FSTL4: variants seen among roughly 807,000 people sequenced by gnomAD.
The protein encoded by FSTL4 is follistatin-related protein 4.
Under a neutral mutation model 78.2 loss-of-function variants are expected in FSTL4, and 28 were observed. The ratio of observed to expected loss-of-function variants is 0.36; its 90% confidence interval spans 0.27 to 0.49. The LOEUF (loss-of-function observed/expected upper bound fraction) is 0.49, where lower values mean the gene tolerates loss of function less well. Ranked by LOEUF, FSTL4 falls within the 20% of genes least tolerant of loss-of-function variation. The pLI, the probability that FSTL4 is intolerant of heterozygous loss-of-function variation, is 0.98. For synonymous variants in FSTL4, 422 were observed against 440.5 expected (o/e 0.96, Z 0.53); for missense variants, 922 against 1,084.9 (o/e 0.85, Z 2.11).
At chr5:133,287,334 G>GC (rs1313576046) in intron 6 of FSTL4, among the ~76,000 whole-genome samples, 1 of 150,990 alleles carries the variant, frequency 6.6e-6, no homozygotes, top group Non-Finnish European at 1.5e-5. Context: ...CTTGCAGTGA[G>GC]CTGAGATCGC....
chr5:133,656,948 C>A, the FSTL4 span, among the ~76,000 whole-genome samples: 1 of 152,002 alleles, frequency 6.6e-6, no homozygotes, highest in Non-Finnish European at 1.5e-5. Flanking sequence ...TTTAAGTTTA[C>A]TGTTGGTAAG....
At chr5:133,605,622 G>C (rs536402800) in intron 1 of FSTL4, among the ~76,000 whole-genome samples, 5 of 152,198 alleles carry the variant, frequency 3.3e-5, no homozygotes, top group Non-Finnish European at 7.3e-5. Context: ...GCTGGAGACA[G>C]AAATGCCCAC....
chr5:133,663,823 T>C, the FSTL4 span, among the ~76,000 whole-genome samples: 1 of 152,164 alleles, frequency 6.6e-6, no homozygotes, highest in African/African-American at 2.4e-5. Flanking sequence ...GACCAGGGCC[T>C]TTGACAACTT....
At chr5:133,805,921 C>T in the FSTL4 span, among the ~76,000 whole-genome samples, 43 of 152,230 alleles carry the variant, frequency 2.8e-4, no homozygotes, top group Non-Finnish European at 8.8e-5. Context: ...GTTAACACCA[C>T]AGTCAGGCTG....
intron 3 of FSTL4, among the ~76,000 whole-genome samples, chr5:133,561,275 T>A (rs1759907844): frequency 1.3e-5 from 2 of 151,972 alleles, no homozygotes; most frequent in Non-Finnish European, 2.9e-5. Flanking sequence ...TAGTAAAAAT[T>A]ACCCATGCAC....
In FSTL4 at chr5:133,249,397, C is replaced by T; in HGVS notation, c.894+13G>A. 6.2e-7 allele frequency: 1 copy of T among 1,610,882 alleles called. No individual in the cohort carries two copies. The highest frequency in any genetic ancestry group is 8.5e-7 in the Non-Finnish European group (1 of 1,177,042). On this transcript the variant is annotated intron_variant, in intron 7 of 15. Coordinates refer to ENST00000265342, the MANE Select transcript of FSTL4 (RefSeq NM_015082.2). ...GGTGCGCTTGAGCTCAGAGTGAATT[C>T]CAGGTGACTTACATTGATGTCTTCC...
At chr5:133,696,403 C>T in the FSTL4 span, among the ~76,000 whole-genome samples, 2 of 152,222 alleles carry the variant, frequency 1.3e-5, 1 homozygote, top group African/African-American at 4.8e-5. Flanking sequence ...TGGGGCCCAT[C>T]CCAGGCCTGT....
At chr5:133,422,844 A>G (rs1756729625) in intron 3 of FSTL4, among the ~76,000 whole-genome samples, 2 of 152,246 alleles carry the variant, frequency 1.3e-5, no homozygotes, top group South Asian at 4.1e-4. Context: ...ATATGTGTTT[A>G]ATTGGGTCAT....
At chr5:133,481,981 G>A (rs1345650766) in intron 3 of FSTL4, among the ~76,000 whole-genome samples, 2 of 152,328 alleles carry the variant, frequency 1.3e-5, no homozygotes, top group Non-Finnish European at 2.9e-5. Context: ...GAGGGAAGGA[G>A]CAAAGGAAGC....
At chr5:133,215,056 G>A (rs917678139) in intron 13 of FSTL4, among the ~76,000 whole-genome samples, 1 of 152,062 alleles carries the variant, frequency 6.6e-6, no homozygotes, top group African/African-American at 2.4e-5. Context: ...ATCTGTTCCT[G>A]CCAAGGTGAT....
chr5:133,797,972 C>G, the FSTL4 span, among the ~76,000 whole-genome samples: 7 of 152,076 alleles, frequency 4.6e-5, no homozygotes, highest in African/African-American at 1.5e-4. Flanking sequence ...CTTCTCCCCA[C>G]CCCCACAAAC....
chr5:133,214,498 C>T (rs1750845944), intron 13 of FSTL4, among the ~76,000 whole-genome samples: 1 of 152,154 alleles, frequency 6.6e-6, no homozygotes, highest in South Asian at 2.1e-4. Flanking sequence ...TAAATTTATA[C>T]CCACAATTCT....
chr5:133,204,462 T>C (rs894308098), intron 14 of FSTL4, among the ~76,000 whole-genome samples: 1 of 152,200 alleles, frequency 6.6e-6, no homozygotes, highest in African/African-American at 2.4e-5. Context: ...AATAATGTCA[T>C]AGCTCAATTT....
the FSTL4 span, among the ~76,000 whole-genome samples, chr5:133,618,890 T>C: frequency 1.3e-5 from 2 of 152,244 alleles, no homozygotes; most frequent in South Asian, 2.1e-4. Context: ...AATCTATTGG[T>C]ATATTTAATT....
chr5:133,210,469 CATTATTATT>C (rs72224529), intron 13 of FSTL4, among the ~76,000 whole-genome samples, 171 bp from the exon 14 acceptor site: 49,408 of 145,362 alleles, frequency 0.34, 9,244 homozygotes, highest in Middle Eastern at 0.43. Context: ...TTCTCAGAGG[CATTATTATT>C]ATTATTATTA....
intron 6 of FSTL4, among the ~76,000 whole-genome samples, chr5:133,281,494 T>A (rs1317422727): frequency 6.6e-6 from 1 of 152,098 alleles, no homozygotes; most frequent in African/African-American, 2.4e-5. Context: ...ATGAGAAAAC[T>A]GAGACTCAGA....
In FSTL4 at chr5:133,598,879, G is replaced by A. The variant is rs113194526; in HGVS notation, c.126+4979C>T. On this transcript the variant is annotated intron_variant, in intron 2 of 15. Coordinates refer to ENST00000265342, the MANE Select transcript of FSTL4 (RefSeq NM_015082.2). ...CATGAGAGATGCACACGTACTGTAGGTGAGGCTTAAGAAAATGCGAACGTC... is the reference window on the plus strand; with the variant it reads ...CATGAGAGATGCACACGTACTGTAGATGAGGCTTAAGAAAATGCGAACGTC... Among the ~76,000 whole-genome samples, 480 of 152,338 alleles carry A rather than the reference G, an allele frequency of 3.2e-3. 3 individuals are homozygous for A. The highest frequency in any genetic ancestry group is 0.011 in the African/African-American group (437 of 41,572).
chr5:133,820,559 T>C, the FSTL4 span, among the ~76,000 whole-genome samples: 1 of 152,214 alleles, frequency 6.6e-6, no homozygotes, highest in African/African-American at 2.4e-5. Context: ...CAATTTCATG[T>C]CTGTGATTTA....
intron 3 of FSTL4, among the ~76,000 whole-genome samples, chr5:133,494,242 C>T (rs1296950965): frequency 6.6e-6 from 1 of 152,078 alleles, no homozygotes; most frequent in Non-Finnish European, 1.5e-5. Flanking sequence ...TTCCACTTCC[C>T]CTGGAATCTG....
Sources: allele counts gnomAD v4.1 joint callset (sites outside exome capture counted in the v4.1 genomes callset), GRCh38; gene constraint gnomAD v4.1.1; transcripts MANE v1.5; gene names NCBI Gene and HGNC (gene_info 2026-07-23, HGNC 2026-07-21).